Variants in TENM3 observed in about 807,000 individuals in gnomAD.
TENM3 encodes teneurin-3.
Under a neutral mutation model 255.1 loss-of-function variants are expected in TENM3, and 63 were observed. The ratio of observed to expected loss-of-function variants is 0.25; its 90% CI spans 0.20 to 0.30. The LOEUF (loss-of-function observed/expected upper bound fraction) is 0.30, where lower values mean the gene tolerates loss of function less well. Among genes scored for constraint, TENM3 ranks in the 10% least tolerant of loss-of-function variants. The pLI is 1.00. For missense variants in TENM3, 2,929 were observed against 3,461.1 expected (o/e 0.85, Z 3.86); for synonymous variants, 1,306 against 1,322.3 (o/e 0.99, Z 0.27).
At chr4:182,462,617 A>G (rs1302448812) in intron 3 of TENM3, among the ~76,000 whole-genome samples, 1 of 151,934 alleles carries the variant, frequency 6.6e-6, no homozygotes, top group Admixed American at 6.6e-5. Context: ...TTTTTGTCAG[A>G]TTGGTAAAGG....
the TENM3 span, among the ~76,000 whole-genome samples, chr4:181,572,634 T>C: frequency 6.6e-6 from 1 of 152,182 alleles, no homozygotes; most frequent in Non-Finnish European, 1.5e-5. Flanking sequence ...TATATATTTA[T>C]GGGGTACATG....
chr4:181,660,951 T>C, the TENM3 span, among the ~76,000 whole-genome samples: 1 of 152,158 alleles, frequency 6.6e-6, no homozygotes, highest in Non-Finnish European at 1.5e-5. Flanking sequence ...AATGATTTCT[T>C]TTTACATCAA....
At chr4:181,933,663 C>T in the TENM3 span, among the ~76,000 whole-genome samples, 15 of 152,100 alleles carry the variant, frequency 9.9e-5, no homozygotes, top group Non-Finnish European at 1.6e-4. Context: ...GAAGACTTTC[C>T]GGACCAGCTT....
the TENM3 span, among the ~76,000 whole-genome samples, chr4:181,514,516 A>G: frequency 1.3e-5 from 2 of 152,248 alleles, no homozygotes; most frequent in Non-Finnish European, 2.9e-5. Flanking sequence ...AATTTAAGAG[A>G]TTTTTCCATT....
At chr4:182,056,634 T>G in the TENM3 span, among the ~76,000 whole-genome samples, 5 of 152,144 alleles carry the variant, frequency 3.3e-5, no homozygotes, top group Admixed American at 1.3e-4. Flanking sequence ...GAAAGGAAAT[T>G]ATCTTGGCTG....
chr4:181,577,512 A>G, the TENM3 span, among the ~76,000 whole-genome samples: 1 of 151,986 alleles, frequency 6.6e-6, no homozygotes, highest in African/African-American at 2.4e-5. Flanking sequence ...TTCCTTCTCT[A>G]CATACTCTTT....
Position 182,600,923 on chromosome 4 carries a change from G to C in TENM3, c.512-1G>C. On this transcript the variant is annotated splice_acceptor_variant, in intron 3 of 27. Coordinates refer to ENST00000511685, the MANE Select transcript of TENM3 (RefSeq NM_001080477.4). LOFTEE classifies it high-confidence loss of function. ...TTTTTTTTTTTTTTTTTTTTTTTCA[G>C]AGCAACCTGCAAGCAATCAAGGCCA... is the stretch of plus-strand genomic sequence containing the variant. 4 of 594,156 alleles carry C rather than the reference G, an allele frequency of 6.7e-6. No individual in the cohort carries two copies. Among genetic ancestry groups the C allele is most frequent in the South Asian group, 3.1e-5 (1 of 32,080 alleles). 36.8% of individuals were successfully genotyped at this position (594,156 alleles called of 1,614,324 possible). A position where few individuals can be genotyped will look rare whatever the true frequency, so the allele number is the denominator to read the frequency against.
chr4:181,604,263 T>TA, the TENM3 span, among the ~76,000 whole-genome samples: 9 of 151,746 alleles, frequency 5.9e-5, no homozygotes, highest in African/African-American at 9.7e-5. Context: ...AGACTCCGTC[T>TA]AAAAAAAAGA....
intron 3 of TENM3, among the ~76,000 whole-genome samples, chr4:182,549,375 C>T (rs1741782172): frequency 6.6e-6 from 1 of 152,152 alleles, no homozygotes; most frequent in Admixed American, 6.5e-5. Context: ...AGTTACCACT[C>T]TAGGATGAAG....
chr4:181,573,981 T>C, the TENM3 span, among the ~76,000 whole-genome samples: 19 of 152,292 alleles, frequency 1.2e-4, 1 homozygote, highest in South Asian at 3.5e-3. Flanking sequence ...AGGCATAGTT[T>C]GCACACTGAG....
the TENM3 span, among the ~76,000 whole-genome samples, chr4:182,082,898 G>A: frequency 2.6e-5 from 4 of 152,146 alleles, no homozygotes; most frequent in African/African-American, 4.8e-5. Flanking sequence ...AGAGAAAAAC[G>A]TGCCACTCCT....
At chr4:181,634,384 CTTTTTTTTT>C in the TENM3 span, among the ~76,000 whole-genome samples, 4 of 123,084 alleles carry the variant, frequency 3.2e-5, no homozygotes, top group Admixed American at 8.3e-5. Flanking sequence ...TTTTTTAATT[CTTTTTTTTT>C]TTTTTTTTTT....
At chr4:181,545,328 A>G in the TENM3 span, among the ~76,000 whole-genome samples, 6 of 152,178 alleles carry the variant, frequency 3.9e-5, no homozygotes, top group African/African-American at 1.4e-4. Flanking sequence ...TCCCATTTGA[A>G]ACACTTTTAC....
intron 4 of TENM3, among the ~76,000 whole-genome samples, chr4:182,619,198 C>T (rs1216497911): frequency 6.6e-6 from 1 of 152,000 alleles, no homozygotes. Flanking sequence ...GAGGCCGAGG[C>T]AAGCGGATCA....
At chr4:182,284,833 G>A (rs561331343) in intron 1 of TENM3, among the ~76,000 whole-genome samples, 5 of 152,272 alleles carry the variant, frequency 3.3e-5, no homozygotes, top group African/African-American at 1.2e-4. Flanking sequence ...GAGAGAGACA[G>A]GGCTGTTTTA....
At chr4:182,168,695 T>C (rs1397181192) in intron 1 of TENM3, among the ~76,000 whole-genome samples, 1 of 152,212 alleles carries the variant, frequency 6.6e-6, no homozygotes, top group Non-Finnish European at 1.5e-5. Flanking sequence ...ATACTGTATA[T>C]AAAAGTTTAA....
the TENM3 span, among the ~76,000 whole-genome samples, chr4:181,505,471 A>G: frequency 6.6e-6 from 1 of 151,936 alleles, no homozygotes; most frequent in Admixed American, 6.6e-5. Context: ...CTTTTTTCCT[A>G]TTTTCCCCAA....
intron 1 of TENM3, among the ~76,000 whole-genome samples, chr4:182,300,006 C>T (rs1179152956): frequency 6.6e-6 from 1 of 151,762 alleles, no homozygotes; most frequent in Non-Finnish European, 1.5e-5. Flanking sequence ...GCCTCTGCCT[C>T]CTGGGTTCAA....
At chr4:181,924,025 G>T in the TENM3 span, among the ~76,000 whole-genome samples, 1 of 152,086 alleles carries the variant, frequency 6.6e-6, no homozygotes, top group African/African-American at 2.4e-5. Flanking sequence ...GTCTTACTGG[G>T]TTTATCAAGA....
Sources: allele counts gnomAD v4.1 joint callset (sites outside exome capture counted in the v4.1 genomes callset), GRCh38; gene constraint gnomAD v4.1.1; transcripts MANE v1.5; gene names NCBI Gene and HGNC (gene_info 2026-07-23, HGNC 2026-07-21).